The following DTYMK variants were observed in gnomAD, a reference collection of about 807,000 sequenced individuals.
The protein encoded by DTYMK is deoxythymidylate kinase.
DTYMK carries 20 observed loss-of-function variants against 20.3 expected under a neutral mutation model. The ratio of observed to expected loss-of-function variants is 0.99; its 90% CI spans 0.69 to 1.43. DTYMK has a LOEUF of 1.43. Ranked by LOEUF, DTYMK falls within the 40% of genes most tolerant of loss-of-function variation. The probability of loss-of-function intolerance (pLI) is 0.00; values close to 1 mark genes in which losing one functional copy is unlikely to be tolerated. For synonymous variants in DTYMK, 148 were observed against 124.4 expected, an observed-to-expected ratio of 1.19 and a Z score of -1.27; for missense variants, 320 against 291.1, an observed-to-expected ratio of 1.10 and a Z score of -0.72.
Position 241,676,297 on chromosome 2 carries a change from C to T in DTYMK, c.529-60G>A, listed in dbSNP as rs188845706. Reference sequence around the variant, plus strand: ...TCATCAGCACGTTCCAGGCTGGTCACGGGAGCCCACGCCTGTAATCCCAGC... The same window carrying T: ...TCATCAGCACGTTCCAGGCTGGTCATGGGAGCCCACGCCTGTAATCCCAGC... On this transcript the variant is annotated intron_variant, in intron 4 of 4. Coordinates refer to ENST00000305784, the MANE Select transcript of DTYMK (RefSeq NM_012145.4). 1.5e-4 allele frequency: 221 copies of T among 1,485,938 alleles called. 2 individuals carry two copies. In the African/African-American group the frequency reaches 2.7e-3, roughly 18 times the overall value. 92.0% of individuals were successfully genotyped at this position (1,485,938 alleles called of 1,614,324 possible). A position where few individuals can be genotyped will look rare whatever the true frequency, so the allele number is the denominator to read the frequency against.
rs747919089 is a variant in DTYMK at position 241,686,800 on chromosome 2, C to G, written c.-17G>C. On this transcript the variant is annotated 5_prime_UTR_variant, in exon 1 of 5. Transcript: ENST00000305784. Reference sequence around the variant, plus strand: ...GGCCGCCATGACTGTCCACCGCCCGCCGCTGGCGTCTCCACGCAGCCTTCC... The same window carrying G: ...GGCCGCCATGACTGTCCACCGCCCGGCGCTGGCGTCTCCACGCAGCCTTCC... 3 of 1,444,668 alleles carry G rather than the reference C, an allele frequency of 2.1e-6. No individual in the cohort carries two copies. Among genetic ancestry groups the G allele is most frequent in the South Asian group, 2.9e-5 (2 of 68,618 alleles). 89.5% of individuals were successfully genotyped at this position (1,444,668 alleles called of 1,614,324 possible).
At chr2:241,680,134 G>T in intron 3 of DTYMK, 95 bp downstream of exon 3, 1 of 1,165,008 alleles carries the variant, frequency 8.6e-7, no homozygotes, top group Non-Finnish European at 1.3e-6. Context: ...AAACTCTGCA[G>T]AGTAATCTGA....
At chr2:241,678,940 A>C (rs955025449) in intron 3 of DTYMK, among the ~76,000 whole-genome samples, 1 of 152,214 alleles carries the variant, frequency 6.6e-6, no homozygotes, top group Non-Finnish European at 1.5e-5. Flanking sequence ...GCACAGCTAC[A>C]GGCCTGCTGG....
Position 241,685,887 on chromosome 2 carries a change from A to G in DTYMK, c.131-10T>C. The G allele has an allele frequency of 6.2e-7, 1 of 1,613,524 alleles. No individual in the cohort carries two copies. The highest frequency in any genetic ancestry group is 8.5e-7 in the Non-Finnish European group (1 of 1,179,532). On this transcript the variant is annotated splice_polypyrimidine_tract_variant and intron_variant, in intron 1 of 4. Coordinates refer to ENST00000305784, the MANE Select transcript of DTYMK (RefSeq NM_012145.4). ...ATTTCAGTTGATCTTTCTAGAAAAA[A>G]AGAGAAACACACAAAATGCAAGTGA...
In DTYMK at chr2:241,676,244, C is replaced by G; in HGVS notation, c.529-7G>C. 1 of 1,607,800 alleles carries G rather than the reference C, an allele frequency of 6.2e-7. No homozygotes were observed. Among genetic ancestry groups the G allele is most frequent in the Non-Finnish European group, 8.5e-7 (1 of 1,177,742 alleles). ...TTTTGGAAGCATCCACCATCTGTTC[C>G]CACCGGGGTTTCAGGAGAAAAAGAG... On this transcript the variant is annotated splice_polypyrimidine_tract_variant and splice_region_variant and intron_variant, in intron 4 of 4. Coordinates refer to ENST00000305784, the MANE Select transcript of DTYMK (RefSeq NM_012145.4).
intron 3 of DTYMK, among the ~76,000 whole-genome samples, 155 bp from the exon 4 acceptor site, chr2:241,678,804 G>GT (rs1455419115): frequency 1.3e-5 from 2 of 152,178 alleles, no homozygotes; most frequent in Non-Finnish European, 2.9e-5. Context: ...AACCTCAAAC[G>GT]TGTCGGTTTC....
chr2:241,680,753 CCTTA>C (rs1337819247), intron 2 of DTYMK, among the ~76,000 whole-genome samples: 1 of 152,148 alleles, frequency 6.6e-6, no homozygotes, highest in Non-Finnish European at 1.5e-5. Flanking sequence ...TGATTTGTAA[CCTTA>C]CTTTTAATCC....
intron 4 of DTYMK, among the ~76,000 whole-genome samples, chr2:241,677,713 G>A (rs2069149196): frequency 6.6e-6 from 1 of 152,240 alleles, no homozygotes; most frequent in East Asian, 1.9e-4. Flanking sequence ...AGCGTCCTGG[G>A]AGCAGAGCCA....
intron 2 of DTYMK, among the ~76,000 whole-genome samples, chr2:241,683,429 C>T (rs2069311355): frequency 6.6e-6 from 1 of 151,994 alleles, no homozygotes; most frequent in Admixed American, 6.6e-5. Context: ...CAAAACGTTA[C>T]GAGATTTTTT....
chr2:241,686,566 C>T, intron 1 of DTYMK, 88 bp downstream of exon 1: 1 of 1,390,572 alleles, frequency 7.2e-7, no homozygotes, highest in Non-Finnish European at 9.2e-7. Flanking sequence ...CACAGCACGC[C>T]AGCCGCAGAC....
intron 2 of DTYMK, chr2:241,685,290 A>G (rs1463702250): frequency 1.3e-5 from 2 of 153,968 alleles, no homozygotes; most frequent in African/African-American, 2.4e-5. Flanking sequence ...TCACAAGGTC[A>G]AGAGAGACCA....
At chr2:241,683,982 G>A (rs911238347) in intron 2 of DTYMK, among the ~76,000 whole-genome samples, 26 of 152,112 alleles carry the variant, frequency 1.7e-4, no homozygotes, top group Middle Eastern at 3.4e-3. Flanking sequence ...GCTTGAACCC[G>A]GGAGGCGGCG....
In DTYMK at chr2:241,675,814, G is replaced by C. The variant is rs1262548506; in HGVS notation, c.*313C>G. On this transcript the variant is annotated 3_prime_UTR_variant, in exon 5 of 5. Transcript: ENST00000305784. ...GAATTCCAACTGATTACCATTTACA[G>C]TGATCACAATGAAACTGCTCAGAGT... 9.1e-6 allele frequency: 2 copies of C among 220,618 alleles called. No individual in the cohort carries two copies. Among genetic ancestry groups the C allele is most frequent in the Non-Finnish European group, 1.8e-5 (2 of 112,996 alleles). 13.7% of individuals were successfully genotyped at this position (220,618 alleles called of 1,614,324 possible). A position where few individuals can be genotyped will look rare whatever the true frequency, so the allele number is the denominator to read the frequency against.
rs1021849867 is a variant in DTYMK at position 241,676,154 on chromosome 2, C to G, written c.612G>C (p.Glu204Asp). The G allele has an allele frequency of 1.2e-6, 2 of 1,612,802 alleles. No individual in the cohort carries two copies. Among genetic ancestry groups the G allele is most frequent in the Non-Finnish European group, 1.7e-6 (2 of 1,179,512 alleles). Residue 204 changes from glutamate to aspartate, a missense_variant, in exon 5 of 5, where the codon GAG becomes GAC. Physicochemically the swap from Glu to Asp is conservative, Grantham distance 45 (BLOSUM62 2). Coordinates refer to ENST00000305784, the MANE Select transcript of DTYMK (RefSeq NM_012145.4). ...ACTTCCATAGCTCCCCCAGCGGCTTCTCTGTGGCAGTGCGGATGGCGTCCT... is the reference window on the plus strand; with the variant it reads ...ACTTCCATAGCTCCCCCAGCGGCTTGTCTGTGGCAGTGCGGATGGCGTCCT... ...LSEDAIRTATEKPLGELWK is the reference protein window; with the variant it reads ...LSEDAIRTATDKPLGELWK
At chr2:241,677,343 C>A (rs569867442) in intron 4 of DTYMK, among the ~76,000 whole-genome samples, 1 of 152,230 alleles carries the variant, frequency 6.6e-6, no homozygotes, top group Non-Finnish European at 1.5e-5. Flanking sequence ...TGAGCCTCTC[C>A]GGGCGGAATG....
At chr2:241,676,978 A>G (rs1186917037) in intron 4 of DTYMK, among the ~76,000 whole-genome samples, 3 of 152,222 alleles carry the variant, frequency 2.0e-5, no homozygotes, top group Non-Finnish European at 4.4e-5. Flanking sequence ...ATTTGGTCCT[A>G]ACAGCTGTGC....
rs1295713127 is a variant in DTYMK, at chr2:241,686,673, G to A, written c.111C>T (p.Ala37=). 3 of 1,526,790 alleles carry A rather than the reference G, an allele frequency of 2.0e-6. No individual in the cohort carries two copies. Among genetic ancestry groups the A allele is most frequent in the African/African-American group, 1.4e-5 (1 of 69,888 alleles). 94.6% of individuals were successfully genotyped at this position (1,526,790 alleles called of 1,614,324 possible). Residue 37 remains alanine, a synonymous_variant, in exon 1 of 5, where the codon GCC becomes GCT. Transcript: ENST00000305784. ...VEALCAAGHR[A]ELLRFPERST... ...ACCCACCCGGGAACCGGAGCAGTTCGGCGCGGTGGCCCGCGGCGCACAGCG... is the reference window on the plus strand; with the variant it reads ...ACCCACCCGGGAACCGGAGCAGTTCAGCGCGGTGGCCCGCGGCGCACAGCG...
rs752291393 is a variant in DTYMK at position 241,675,838 on chromosome 2, G to A, written c.*289C>T. 11 of 287,340 alleles carry A rather than the reference G, an allele frequency of 3.8e-5. No homozygotes were observed. The highest frequency in any genetic ancestry group is 6.5e-5 in the Non-Finnish European group (10 of 155,038). 17.8% of individuals were successfully genotyped at this position (287,340 alleles called of 1,614,324 possible). ...AGTGATCACAATGAAACTGCTCAGA[G>A]TTATCACTGAACTTCAGTAAGAAAA... On this transcript the variant is annotated 3_prime_UTR_variant, in exon 5 of 5. Transcript: ENST00000305784.
chr2:241,678,314 G>A (rs992775323), intron 4 of DTYMK, 138 bp downstream of exon 4: 41 of 1,212,298 alleles, frequency 3.4e-5, no homozygotes, highest in Admixed American at 5.0e-5. Flanking sequence ...ACCCCTGAAC[G>A]ACTACTCCCG....
Sources: gnomAD v4.1 joint callset for allele counts (sites outside exome capture counted in the v4.1 genomes callset) on GRCh38, gnomAD v4.1.1 for gene constraint, MANE v1.5 for transcripts, NCBI Gene and HGNC (gene_info 2026-07-23, HGNC 2026-07-21) for gene names.